The following GOLPH3 variants were observed in gnomAD, a reference collection of about 807,000 sequenced individuals.
GOLPH3 encodes golgi phosphoprotein 3, also known as coat protein GPP34.
Under a neutral mutation model 28.5 loss-of-function variants are expected in GOLPH3, and 14 were observed. The ratio of observed to expected loss-of-function variants is 0.49; its 90% confidence interval spans 0.32 to 0.77. The LOEUF is 0.77. GOLPH3 is among the 30% of genes least tolerant of loss of function. The probability of loss-of-function intolerance (pLI) is 0.03; values close to 1 mark genes in which losing one functional copy is unlikely to be tolerated. For missense variants in GOLPH3, 350 were observed against 393.7 expected (o/e 0.89, Z 0.94); for synonymous variants, 158 against 159.2 (o/e 0.99, Z 0.06).
intron 2 of GOLPH3, among the ~76,000 whole-genome samples, chr5:32,142,418 G>A (rs1263391808): frequency 6.0e-5 from 9 of 149,028 alleles, no homozygotes; most frequent in South Asian, 2.1e-4. Context: ...CAGCCACCCC[G>A]TCCGGGAAGT....
chr5:32,164,479 C>T (rs1236108027), intron 1 of GOLPH3, among the ~76,000 whole-genome samples: 1 of 151,838 alleles, frequency 6.6e-6, no homozygotes, highest in Non-Finnish European at 1.5e-5. Flanking sequence ...CTGCAAGCTC[C>T]GCCTCCCGGG....
At chr5:32,148,614 G>A (rs974009908) in intron 1 of GOLPH3, among the ~76,000 whole-genome samples, 6 of 152,080 alleles carry the variant, frequency 3.9e-5, no homozygotes, top group Admixed American at 6.5e-5. Flanking sequence ...TGGCTAACAC[G>A]GTGAAACCCC....
intron 2 of GOLPH3, among the ~76,000 whole-genome samples, chr5:32,140,964 A>G (rs552543157): frequency 5.9e-5 from 9 of 152,164 alleles, no homozygotes; most frequent in South Asian, 2.1e-4. Context: ...GGAGTTCGAG[A>G]GCAGCCCAGG....
At chr5:32,150,034 A>G (rs898733954) in intron 1 of GOLPH3, among the ~76,000 whole-genome samples, 4 of 152,094 alleles carry the variant, frequency 2.6e-5, no homozygotes, top group Admixed American at 6.5e-5. Context: ...ATATTGTTGG[A>G]TATTTAGAAA....
chr5:32,171,740 G>A (rs551891732), intron 1 of GOLPH3, among the ~76,000 whole-genome samples: 2 of 152,122 alleles, frequency 1.3e-5, no homozygotes, highest in Non-Finnish European at 2.9e-5. Flanking sequence ...TTGAGGTCAG[G>A]AGTTCAAAAG....
chr5:32,126,287 T>A lies in GOLPH3; in HGVS notation c.822A>T (p.Leu274Phe). 1 of 1,614,174 alleles carries A rather than the reference T, an allele frequency of 6.2e-7. No homozygotes were observed. Among genetic ancestry groups the A allele is most frequent in the Non-Finnish European group, 8.5e-7 (1 of 1,180,030 alleles). Residue 274 changes from leucine (L) to phenylalanine (F), a missense_variant, in exon 4 of 4, where the codon TTA becomes TTT. Transcript: ENST00000265070. The part of the protein sequence containing the change: ...ATKRVRQLLD[L>F]DPEVECLKAN... ...CCTTCAGACATTCCACTTCAGGGTC[T>A]AAGTCGAGAAGCTGCCGCACTCTCT...
intron 2 of GOLPH3, among the ~76,000 whole-genome samples, chr5:32,140,094 T>C (rs1360418128): frequency 6.6e-6 from 1 of 151,834 alleles, no homozygotes; most frequent in Non-Finnish European, 1.5e-5. Flanking sequence ...AAAAAATTAA[T>C]GCATAATGAA....
At chr5:32,164,825 TAAGTA>T (rs1746669932) in intron 1 of GOLPH3, among the ~76,000 whole-genome samples, 1 of 151,956 alleles carries the variant, frequency 6.6e-6, no homozygotes, top group Non-Finnish European at 1.5e-5. Context: ...GTAAATGTAT[TAAGTA>T]AATTTATTTA....
intron 2 of GOLPH3, among the ~76,000 whole-genome samples, chr5:32,138,658 T>A (rs147160334): frequency 6.6e-6 from 1 of 152,338 alleles, no homozygotes; most frequent in East Asian, 1.9e-4. Flanking sequence ...ATTGAGGTAC[T>A]TAATATATTT....
chr5:32,173,254 T>C (rs950972023), intron 1 of GOLPH3, among the ~76,000 whole-genome samples: 1 of 152,006 alleles, frequency 6.6e-6, no homozygotes, highest in Non-Finnish European at 1.5e-5. Context: ...AAACTTAACT[T>C]AACTTTACTC....
intron 3 of GOLPH3, among the ~76,000 whole-genome samples, chr5:32,131,801 T>C (rs1444501934): frequency 6.6e-6 from 1 of 152,210 alleles, no homozygotes; most frequent in Non-Finnish European, 1.5e-5. Flanking sequence ...ACCTAAATCA[T>C]TTCACTGCAA....
chr5:32,171,943 C>T, intron 1 of GOLPH3, among the ~76,000 whole-genome samples: 1 of 149,518 alleles, frequency 6.7e-6, no homozygotes, highest in East Asian at 2.0e-4. Flanking sequence ...AGCGAGATTC[C>T]GTCTAAAAAA....
intron 1 of GOLPH3, among the ~76,000 whole-genome samples, chr5:32,164,520 A>C (rs1561684336): frequency 6.6e-6 from 1 of 151,838 alleles, no homozygotes; most frequent in East Asian, 1.9e-4. Context: ...CAGCCTCCCG[A>C]GTAGCTGGGA....
At chr5:32,173,635 G>A (rs900586423) in intron 1 of GOLPH3, 175 bp downstream of exon 1, 5 of 406,428 alleles carry the variant, frequency 1.2e-5, no homozygotes, top group African/African-American at 4.2e-5. Context: ...CGCGCCAGGG[G>A]GTCAACCAAC....
At chr5:32,166,760 C>T (rs760527386) in intron 1 of GOLPH3, among the ~76,000 whole-genome samples, 1 of 150,526 alleles carries the variant, frequency 6.6e-6, no homozygotes, top group East Asian at 1.9e-4. Context: ...TGGGCCAAGA[C>T]GGTGCCATTG....
intron 3 of GOLPH3, 106 bp downstream of exon 3, chr5:32,135,466 A>G (rs908559622): frequency 2.9e-6 from 2 of 691,898 alleles, no homozygotes; most frequent in Non-Finnish European, 2.5e-6. Context: ...TTGCCTAAAT[A>G]ACTAAACAAG....
intron 1 of GOLPH3, among the ~76,000 whole-genome samples, chr5:32,165,495 A>T (rs1010816865): frequency 6.6e-6 from 1 of 152,174 alleles, no homozygotes; most frequent in Non-Finnish European, 1.5e-5. Context: ...AGGCAGGAGA[A>T]TCGCTTGAAC....
intron 1 of GOLPH3, among the ~76,000 whole-genome samples, chr5:32,147,178 AAT>A (rs202075381): frequency 0.012 from 1,777 of 152,322 alleles, 39 homozygotes; most frequent in African/African-American, 0.04. Flanking sequence ...TATATGTACA[AAT>A]ATATTGATCA....
intron 1 of GOLPH3, among the ~76,000 whole-genome samples, chr5:32,148,923 T>G (rs565975812): frequency 2.6e-5 from 4 of 152,050 alleles, no homozygotes; most frequent in Admixed American, 2.6e-4. Flanking sequence ...TGCAGTAAGC[T>G]GAGATCGCAC....
Sources: gnomAD v4.1 joint callset for allele counts (sites outside exome capture counted in the v4.1 genomes callset) on GRCh38, gnomAD v4.1.1 for gene constraint, MANE v1.5 for transcripts, NCBI Gene and HGNC (gene_info 2026-07-23, HGNC 2026-07-21) for gene names.